Variants in ITGA6 observed in about 807,000 individuals in gnomAD.
ITGA6 encodes the protein integrin subunit alpha 6, also known as integrin alpha-6.
In ITGA6, 63 loss-of-function variants were observed where a neutral mutation model predicts 133.6. That is an observed-to-expected ratio of 0.47 (90% CI 0.38 to 0.58). ITGA6 has a LOEUF of 0.58. Ranked by LOEUF, ITGA6 falls within the 20% of genes least tolerant of loss-of-function variation. ITGA6 has a pLI of 0.00. For synonymous variants in ITGA6, 434 were observed against 482.0 expected (o/e 0.90, Z 1.30); for missense variants, 1,068 against 1,309.4 (o/e 0.82, Z 2.85).
chr2:172,486,979 G>A, intron 13 of ITGA6, 44 bp from the exon 14 acceptor site: 1 of 1,070,324 alleles, frequency 9.3e-7, no homozygotes. Context: ...GCCTTCCTGA[G>A]TCCTGAATGG....
intron 25 of ITGA6, 91 bp downstream of exon 25, chr2:172,501,992 C>G: frequency 8.9e-7 from 1 of 1,127,338 alleles, no homozygotes; most frequent in Non-Finnish European, 1.3e-6. Context: ...TATGTGTGTC[C>G]CATTAACAGA....
Position 172,485,243 on chromosome 2 carries a change from A to T in ITGA6, c.1833A>T (p.Glu611Asp), listed in dbSNP as rs1686616279. 1.2e-6 allele frequency: 2 copies of T among 1,613,966 alleles called. No homozygotes were observed. The highest frequency in any genetic ancestry group is 1.7e-6 in the Non-Finnish European group (2 of 1,179,992). The change falls in exon 13 of 26, where the codon GAA becomes GAT. Residue 611 changes from glutamate (E) to aspartate (D), a missense_variant. Physicochemically the swap from Glu to Asp is conservative, Grantham distance 45 (BLOSUM62 2). Coordinates refer to ENST00000684293, the MANE Select transcript of ITGA6 (RefSeq NM_000210.4). ...PEVLPILNSD[E>D]PKTAHIDVHF... The stretch of plus-strand genomic sequence containing the variant: ...TTCTTCCAATTCTGAATTCAGATGA[A>T]CCCAAGACAGCTCATATTGATGTAA...
intron 1 of ITGA6, among the ~76,000 whole-genome samples, chr2:172,463,894 A>G (rs1206393025): frequency 6.6e-6 from 1 of 152,172 alleles, no homozygotes; most frequent in Non-Finnish European, 1.5e-5. Context: ...CGGGGACATC[A>G]CTGGAATAGG....
At chr2:172,466,797 T>C (rs915995160) in intron 2 of ITGA6, among the ~76,000 whole-genome samples, 1 of 152,246 alleles carries the variant, frequency 6.6e-6, no homozygotes, top group Admixed American at 6.5e-5. Flanking sequence ...AATGTTTTTG[T>C]AATGATTCAA....
intron 1 of ITGA6, among the ~76,000 whole-genome samples, chr2:172,430,222 T>C (rs1920983): frequency 0.99 from 150,223 of 152,346 alleles, 74,101 homozygotes; most frequent in Middle Eastern, 1. Context: ...TTAATGCCTG[T>C]CTGGCATGGG....
At position 172,427,956 on chromosome 2, in the gene ITGA6, C is replaced by T; in HGVS notation, c.168C>T (p.Pro56=). The part of the protein sequence containing the change: ...FSLAMHWQLQ[P]EDKRLLLVGA... ...TGGCCATGCACTGGCAACTGCAGCC[C>T]GAGGACAAGCGGCTGTGAGTTCCCA... The change falls in exon 1 of 26, where the codon CCC becomes CCT. Residue 56 remains proline (P), a synonymous_variant. Transcript: ENST00000684293. 6.2e-7 allele frequency: 1 copy of T among 1,604,298 alleles called. No homozygotes were observed.
rs866526064 is a variant in ITGA6, at chr2:172,445,651, T to A, written c.182+17681T>A. Among the ~76,000 whole-genome samples the A allele has an allele frequency of 4.6e-3, 677 of 145,708 alleles. 7 individuals carry two copies. Among genetic ancestry groups the A allele is most frequent in the African/African-American group, 0.015 (618 of 40,116 alleles). On this transcript the variant is annotated intron_variant, in intron 1 of 25. Coordinates refer to ENST00000684293, the MANE Select transcript of ITGA6 (RefSeq NM_000210.4). ...GCGACAGAGTGAGACTCCGTCTTTT[T>A]TAAAAAAAAAAAAAAGAAAAAAAAA... is the stretch of plus-strand genomic sequence containing the variant.
chr2:172,472,801 A>G (rs372581803), intron 5 of ITGA6: 13 of 1,612,288 alleles, frequency 8.1e-6, no homozygotes, highest in South Asian at 5.5e-5. Context: ...AGCGTTTCCT[A>G]TACAGATCCT....
At chr2:172,462,779 C>T (rs1382267485) in intron 1 of ITGA6, among the ~76,000 whole-genome samples, 1 of 152,248 alleles carries the variant, frequency 6.6e-6, no homozygotes, top group Non-Finnish European at 1.5e-5. Context: ...CAGCTGTACC[C>T]TGCAGGACAC....
At chr2:172,490,855 G>T in intron 20 of ITGA6, 169 bp from the exon 21 acceptor site, 1 of 604,358 alleles carries the variant, frequency 1.7e-6, no homozygotes, top group East Asian at 2.9e-5. Flanking sequence ...AATTTAGAGT[G>T]ATAATACTTG....
intron 1 of ITGA6, among the ~76,000 whole-genome samples, chr2:172,455,124 G>A (rs916866427): frequency 6.6e-6 from 1 of 150,420 alleles, no homozygotes; most frequent in African/African-American, 2.5e-5. Context: ...AAGATAAGAT[G>A]AAGGCTATTA....
At position 172,475,062 on chromosome 2, in the gene ITGA6, G is replaced by A. The variant is rs754584199; in HGVS notation, c.1120G>A (p.Asp374Asn). The A allele has an allele frequency of 3.1e-6, 5 of 1,608,842 alleles. No individual in the cohort carries two copies. The South Asian group carries it at 5.5e-5, about 18-fold the overall frequency. Residue 374 changes from aspartate to asparagine, a missense_variant, in exon 7 of 26, where the codon GAT becomes AAT. Around this residue, in one of 3 missense-constraint regions of ITGA6, gnomAD observed 317 missense variants for 456.9 expected, o/e 0.69. Transcript: ENST00000684293. ...VKPIRLNGTK[D>N]SMFGIAVKNI... ...GCCAATTCGTCTTAATGGAACCAAAGATTCTATGTTTGGCATTGCAGTAAA... is the reference window on the plus strand; with the variant it reads ...GCCAATTCGTCTTAATGGAACCAAAAATTCTATGTTTGGCATTGCAGTAAA...
chr2:172,438,448 G>A (rs28540552), intron 1 of ITGA6, among the ~76,000 whole-genome samples: 19,372 of 151,762 alleles, frequency 0.13, 2,353 homozygotes, highest in East Asian at 0.55. Context: ...TTAGCCCTAA[G>A]TTACTCAGTA....
intron 1 of ITGA6, 119 bp from the exon 2 acceptor site, chr2:172,465,420 T>C: frequency 8.3e-7 from 1 of 1,210,510 alleles, no homozygotes; most frequent in Non-Finnish European, 1.2e-6. Context: ...GCCTAAGCTG[T>C]TGAAGAATTA....
At chr2:172,502,531 C>A (rs902769663) in intron 25 of ITGA6, among the ~76,000 whole-genome samples, 9 of 152,338 alleles carry the variant, frequency 5.9e-5, no homozygotes, top group African/African-American at 2.2e-4. Context: ...AAGACCATTA[C>A]AACAAACTGA....
At chr2:172,438,592 G>T (rs1176236890) in intron 1 of ITGA6, among the ~76,000 whole-genome samples, 1 of 151,856 alleles carries the variant, frequency 6.6e-6, no homozygotes, top group Non-Finnish European at 1.5e-5. Flanking sequence ...GTCAAATGAA[G>T]GTACTAATAG....
At chr2:172,444,412 T>G (rs1288821547) in intron 1 of ITGA6, among the ~76,000 whole-genome samples, 1 of 152,194 alleles carries the variant, frequency 6.6e-6, no homozygotes, top group Non-Finnish European at 1.5e-5. Flanking sequence ...GCACGTTGAG[T>G]ATCCCAAATA....
chr2:172,459,919 C>T (rs1036797117), intron 1 of ITGA6, among the ~76,000 whole-genome samples: 5 of 151,922 alleles, frequency 3.3e-5, no homozygotes, highest in East Asian at 1.9e-4. Flanking sequence ...TGATTTAACG[C>T]GGGTATGGCT....
At chr2:172,451,171 TAAATAA>T (rs1684981817) in intron 1 of ITGA6, among the ~76,000 whole-genome samples, 1 of 146,658 alleles carries the variant, frequency 6.8e-6, no homozygotes, top group African/African-American at 2.5e-5. Flanking sequence ...AAAAAATTTT[TAAATAA>T]AAATAGGGAA....
Sources: allele counts gnomAD v4.1 joint callset (sites outside exome capture counted in the v4.1 genomes callset), GRCh38; gene constraint gnomAD v4.1.1; regional missense constraint gnomAD v4.1.1; transcripts MANE v1.5; gene names NCBI Gene and HGNC (gene_info 2026-07-23, HGNC 2026-07-21).